The following AKAP1 variants were observed in gnomAD, a reference collection of about 807,000 sequenced individuals.
The protein encoded by AKAP1 is A-kinase anchor protein 1, mitochondrial.
A neutral mutation model predicts 79.8 loss-of-function variants in AKAP1; 32 were observed. That is an observed-to-expected ratio of 0.40 (90% CI 0.30 to 0.54). The LOEUF (loss-of-function observed/expected upper bound fraction) is 0.54, where lower values mean the gene tolerates loss of function less well. AKAP1 is among the 20% of genes least tolerant of loss of function. The probability of loss-of-function intolerance (pLI) is 0.47; values close to 1 mark genes in which losing one functional copy is unlikely to be tolerated. For synonymous variants in AKAP1, 416 were observed against 466.7 expected, an observed-to-expected ratio of 0.89 and a Z score of 1.40; for missense variants, 961 against 1,138.9, an observed-to-expected ratio of 0.84 and a Z score of 2.25.
chr17:57,090,151 G>T (rs980223261), intron 1 of AKAP1, among the ~76,000 whole-genome samples: 19 of 152,278 alleles, frequency 1.2e-4, no homozygotes, highest in African/African-American at 4.3e-4. Context: ...TGTGGCAGGG[G>T]TGGGGAGTTC....
chr17:57,109,259 C>G (rs940360963), intron 2 of AKAP1, among the ~76,000 whole-genome samples: 2 of 152,180 alleles, frequency 1.3e-5, no homozygotes, highest in African/African-American at 4.8e-5. Flanking sequence ...GTGACGGTCC[C>G]TTTGGCACGC....
rs201975104 is a variant in AKAP1 at position 57,114,586 on chromosome 17, A to C, written c.2231A>C (p.Tyr744Ser). Residue 744 changes from tyrosine to serine, a missense_variant, in exon 6 of 11, where the codon TAC (tyrosine) becomes TCC (serine). Physicochemically the swap from Tyr to Ser is moderately radical, Grantham distance 144 (BLOSUM62 -2). This residue lies in a region of AKAP1 where 629 missense variants were observed against 781.1 expected (regional missense o/e 0.81). Coordinates refer to ENST00000337714, the MANE Select transcript of AKAP1 (RefSeq NM_003488.4). ...CTGCGCAGCCTCGACCAGCAGATGT[A>C]CCTCTGTTACTCTCAGCCTGGAATC... Reference protein sequence around the residue: ...HALRSLDQQMYLCYSQPGIPT... With the variant: ...HALRSLDQQMSLCYSQPGIPT... 1.2e-6 allele frequency: 2 copies of C among 1,613,946 alleles called. No homozygotes were observed. The highest frequency in any genetic ancestry group is 1.7e-6 in the Non-Finnish European group (2 of 1,180,012).
At chr17:57,112,949 A>G (rs1034229228) in intron 5 of AKAP1, among the ~76,000 whole-genome samples, 2 of 152,186 alleles carry the variant, frequency 1.3e-5, no homozygotes, top group Non-Finnish European at 2.9e-5. Context: ...GGGTGTGTCC[A>G]GGGTCGCCGT....
Position 57,120,571 on chromosome 17 carries a change from A to T in AKAP1, c.*247A>T, listed in dbSNP as rs1042852442. 25 of 89,400 alleles carry T rather than the reference A, an allele frequency of 2.8e-4. No homozygotes were observed. Among genetic ancestry groups the T allele is most frequent in the Non-Finnish European group, 4.0e-4 (18 of 45,438 alleles). 5.5% of individuals were successfully genotyped at this position (89,400 alleles called of 1,614,324 possible). On this transcript the variant is annotated 3_prime_UTR_variant, in exon 11 of 11. Transcript: ENST00000337714. ...GGCTTATGCTGGTTCTCAGCTGTTT[A>T]AAAAAAAAAAAAAAAAGGAATAGAA... is the stretch of plus-strand genomic sequence containing the variant.
intron 6 of AKAP1, 49 bp downstream of exon 6, chr17:57,114,685 G>A (rs1330498991): frequency 1.3e-6 from 2 of 1,551,370 alleles, no homozygotes; most frequent in African/African-American, 1.4e-5. Context: ...GGGGTTGCCT[G>A]TTCTGCCCTG....
At chr17:57,116,782 G>A in intron 7 of AKAP1, 78 bp from the exon 8 acceptor site, 1 of 1,387,116 alleles carries the variant, frequency 7.2e-7, no homozygotes, top group Non-Finnish European at 1.0e-6. Context: ...GGGCGTCACT[G>A]TACAAAGATG....
chr17:57,087,313 G>A (rs1458137657), intron 1 of AKAP1, among the ~76,000 whole-genome samples: 1 of 152,218 alleles, frequency 6.6e-6, no homozygotes, highest in Non-Finnish European at 1.5e-5. Context: ...CCATCTCCCA[G>A]TTGTTTCTAG....
chr17:57,101,337 T>G (rs1173913049), intron 1 of AKAP1, among the ~76,000 whole-genome samples: 1 of 152,136 alleles, frequency 6.6e-6, no homozygotes, highest in Non-Finnish European at 1.5e-5. Flanking sequence ...CAGCTGGAAT[T>G]ATACCACCTG....
At chr17:57,102,208 A>G (rs1914559768) in intron 1 of AKAP1, among the ~76,000 whole-genome samples, 1 of 152,098 alleles carries the variant, frequency 6.6e-6, no homozygotes, top group Non-Finnish European at 1.5e-5. Context: ...AGTAGCTGGG[A>G]TCACAGGTGC....
intron 1 of AKAP1, among the ~76,000 whole-genome samples, chr17:57,087,671 C>T (rs1913543314): frequency 6.6e-6 from 1 of 152,310 alleles, no homozygotes; most frequent in Admixed American, 6.5e-5. Context: ...GACTTTGTTT[C>T]TCTTGAATTA....
chr17:57,119,058 T>C lies in AKAP1; in HGVS notation c.2637+14T>C, dbSNP rs747481477. The C allele has an allele frequency of 6.2e-7, 1 of 1,612,492 alleles. No individual in the cohort carries two copies. The highest frequency in any genetic ancestry group is 1.7e-5 in the Admixed American group (1 of 60,010). ...GTTGGAGATGAAGTAAGTTCTGCCCTTCTTTTCCTTCTGTGTTGCTGGCCC... is the reference window on the plus strand; with the variant it reads ...GTTGGAGATGAAGTAAGTTCTGCCCCTCTTTTCCTTCTGTGTTGCTGGCCC... On this transcript the variant is annotated intron_variant, in intron 10 of 10. Transcript: ENST00000337714.
intron 7 of AKAP1, 64 bp from the exon 8 acceptor site, chr17:57,116,796 A>G: frequency 6.9e-7 from 1 of 1,452,400 alleles, no homozygotes. Flanking sequence ...AAAGATGAAT[A>G]CTGGCTTGGA....
chr17:57,112,005 TC>T, intron 4 of AKAP1, 81 bp downstream of exon 4: 1 of 1,539,532 alleles, frequency 6.5e-7, no homozygotes. Context: ...TCAATTGCTA[TC>T]TTTTTGGAAT....
At chr17:57,101,133 C>CA (rs1181325106) in intron 1 of AKAP1, among the ~76,000 whole-genome samples, 2 of 152,172 alleles carry the variant, frequency 1.3e-5, no homozygotes, top group Admixed American at 1.3e-4. Context: ...CAATTGAACA[C>CA]AAAGCAAATA....
At chr17:57,119,828 C>CCCTTTTTTTTTTTTTTTTTTTTTTT (rs1915807573) in intron 10 of AKAP1, among the ~76,000 whole-genome samples, 1 of 40,528 alleles carries the variant, frequency 2.5e-5, no homozygotes, top group African/African-American at 1.5e-4. Flanking sequence ...CACCCTGTTA[C>CCCTTTTTTTTTTTTTTTTTTTTTTT]TCTTTTTTTT....
chr17:57,100,437 ACACACACACG>A (rs1386520391), intron 1 of AKAP1, among the ~76,000 whole-genome samples: 1 of 148,416 alleles, frequency 6.7e-6, no homozygotes, highest in East Asian at 2.0e-4. Context: ...AAACACACAC[ACACACACACG>A]CACACACACA....
chr17:57,099,055 G>A (rs1341836066), intron 1 of AKAP1, among the ~76,000 whole-genome samples: 5 of 151,962 alleles, frequency 3.3e-5, no homozygotes, highest in East Asian at 1.9e-4. Context: ...GTGAGCCACC[G>A]CACCTAGCCT....
rs114713622 is a variant in AKAP1, at chr17:57,119,129, T to C, written c.2637+85T>C. Reference sequence around the variant, plus strand: ...AGCTGGTCCTGGGATTTGTTTCCTCTTGAGTTAATCAGAGGATATAACTGT... The same window carrying C: ...AGCTGGTCCTGGGATTTGTTTCCTCCTGAGTTAATCAGAGGATATAACTGT... On this transcript the variant is annotated intron_variant, in intron 10 of 10. Transcript: ENST00000337714. 938 of 1,445,004 alleles carry C rather than the reference T, an allele frequency of 6.5e-4. 6 individuals carry two copies. In the African/African-American group the frequency reaches 0.012, roughly 19 times the overall value. The allele number at this position is 1,445,004 out of a possible 1,614,324, so 89.5% of individuals were successfully genotyped here.
At chr17:57,098,060 A>G (rs1386799832) in intron 1 of AKAP1, among the ~76,000 whole-genome samples, 2 of 152,218 alleles carry the variant, frequency 1.3e-5, no homozygotes. Context: ...GAGTGAGGCC[A>G]TTACTTTTCT....
Sources: allele counts gnomAD v4.1 joint callset (sites outside exome capture counted in the v4.1 genomes callset), GRCh38; gene constraint gnomAD v4.1.1; regional missense constraint gnomAD v4.1.1; transcripts MANE v1.5; gene names NCBI Gene and HGNC (gene_info 2026-07-23, HGNC 2026-07-21).